Variants in CALD1 observed in about 807,000 individuals in gnomAD.
CALD1 encodes caldesmon.
A neutral mutation model predicts 99.9 loss-of-function variants in CALD1; 33 were observed. That is an observed-to-expected ratio of 0.33 (90% CI 0.25 to 0.44). The LOEUF (loss-of-function observed/expected upper bound fraction) is 0.44, where lower values mean the gene tolerates loss of function less well. CALD1 is among the 20% of genes least tolerant of loss of function. The pLI is 1.00. For missense variants in CALD1, 861 were observed against 962.1 expected, an observed-to-expected ratio of 0.89 and a Z score of 1.39; for synonymous variants, 310 against 325.0, an observed-to-expected ratio of 0.95 and a Z score of 0.50.
chr7:134,746,677 C>T (rs13229110), intron 1 of CALD1, among the ~76,000 whole-genome samples: 85,715 of 152,012 alleles, frequency 0.56, 25,498 homozygotes, highest in East Asian at 0.86. Flanking sequence ...TTTTAGAGAA[C>T]ACCTAAGTGG....
At chr7:134,960,289 G>A in intron 12 of CALD1, 178 bp downstream of exon 12, 1 of 753,524 alleles carries the variant, frequency 1.3e-6, no homozygotes, top group East Asian at 2.7e-5. Flanking sequence ...GGTTGCATGA[G>A]GTACTAAGCC....
At chr7:134,868,741 G>A (rs1287522651) in intron 3 of CALD1, among the ~76,000 whole-genome samples, 1 of 152,212 alleles carries the variant, frequency 6.6e-6, no homozygotes, top group Non-Finnish European at 1.5e-5. Flanking sequence ...AACTGGGCCA[G>A]AGTCAGCTGG....
At chr7:134,915,276 T>G (rs1473445083) in intron 3 of CALD1, among the ~76,000 whole-genome samples, 1 of 152,220 alleles carries the variant, frequency 6.6e-6, no homozygotes, top group East Asian at 1.9e-4. Context: ...TGCCTCCAAG[T>G]CTAGGTTCCA....
intron 1 of CALD1, among the ~76,000 whole-genome samples, chr7:134,815,651 G>A (rs1246025996): frequency 6.6e-6 from 1 of 152,028 alleles, no homozygotes; most frequent in Non-Finnish European, 1.5e-5. Flanking sequence ...GAGCCTATGA[G>A]GTCCTATACC....
At chr7:134,756,088 A>G (rs551710805) in intron 1 of CALD1, among the ~76,000 whole-genome samples, 6 of 152,036 alleles carry the variant, frequency 3.9e-5, no homozygotes, top group African/African-American at 1.4e-4. Context: ...ACAGGGTTTC[A>G]CTATGTTGGC....
At chr7:134,743,405 C>G (rs976970442), upstream of CALD1, among the ~76,000 whole-genome samples, 1 of 152,122 alleles carries the variant, frequency 6.6e-6, no homozygotes, top group African/African-American at 2.4e-5. Context: ...AAAATCGAGC[C>G]TCAGTTTTGT....
At chr7:134,857,480 G>T (rs1800367574) in intron 2 of CALD1, among the ~76,000 whole-genome samples, 1 of 151,944 alleles carries the variant, frequency 6.6e-6, no homozygotes, top group African/African-American at 2.4e-5. Flanking sequence ...TCTTAAGCAG[G>T]CCCCAACTGT....
chr7:134,713,004 A>T, the CALD1 span, among the ~76,000 whole-genome samples: 2 of 152,248 alleles, frequency 1.3e-5, no homozygotes, highest in Non-Finnish European at 2.9e-5. Flanking sequence ...CAAGGGACTC[A>T]GATATATATA....
chr7:134,719,391 G>A, the CALD1 span, among the ~76,000 whole-genome samples: 1 of 152,184 alleles, frequency 6.6e-6, no homozygotes, highest in African/African-American at 2.4e-5. Context: ...GCAGAACAGG[G>A]TTATGAGGCT....
chr7:134,953,656 G>GT (rs779536183), intron 9 of CALD1, among the ~76,000 whole-genome samples: 3,073 of 117,762 alleles, frequency 0.026, 157 homozygotes, highest in Non-Finnish European at 0.028. Flanking sequence ...TTCTACTGTG[G>GT]TTTTTTTTTT....
intron 7 of CALD1, among the ~76,000 whole-genome samples, chr7:134,944,296 A>G (rs1453035196): frequency 6.6e-6 from 1 of 152,180 alleles, no homozygotes; most frequent in Non-Finnish European, 1.5e-5. Context: ...TAAATTTTAC[A>G]TAATGACCCA....
chr7:134,915,184 T>C (rs1804115857), intron 3 of CALD1, among the ~76,000 whole-genome samples: 1 of 152,204 alleles, frequency 6.6e-6, no homozygotes, highest in Non-Finnish European at 1.5e-5. Flanking sequence ...CCATGCCTCC[T>C]CCTCGGAACC....
chr7:134,944,147 G>C (rs1259421943), intron 7 of CALD1, among the ~76,000 whole-genome samples: 2 of 152,160 alleles, frequency 1.3e-5, no homozygotes, highest in Non-Finnish European at 2.9e-5. Context: ...GAACCTAGAA[G>C]ACCCTGAAAG....
intron 3 of CALD1, among the ~76,000 whole-genome samples, chr7:134,903,417 A>G (rs771936118): frequency 1.3e-5 from 2 of 152,084 alleles, no homozygotes; most frequent in Non-Finnish European, 2.9e-5. Context: ...ACATTTCTGT[A>G]TCTTCCTCTC....
At chr7:134,813,457 G>C (rs567186439) in intron 1 of CALD1, among the ~76,000 whole-genome samples, 2 of 152,210 alleles carry the variant, frequency 1.3e-5, no homozygotes, top group African/African-American at 4.8e-5. Flanking sequence ...GTAGATAAGA[G>C]AGCATGAAAC....
At chr7:134,777,596 T>C (rs946785154), upstream of CALD1, among the ~76,000 whole-genome samples, 1 of 152,202 alleles carries the variant, frequency 6.6e-6, no homozygotes, top group Non-Finnish European at 1.5e-5. Context: ...GCATTATTTA[T>C]ACAAGCAGGG....
At chr7:134,848,096 G>GA (rs1799927134) in intron 2 of CALD1, among the ~76,000 whole-genome samples, 1 of 148,760 alleles carries the variant, frequency 6.7e-6, no homozygotes, top group Non-Finnish European at 1.5e-5. Flanking sequence ...AACAGTCTGG[G>GA]GAAAAAAAAA....
chr7:134,767,370 TC>T (rs1457327568), intron 1 of CALD1, among the ~76,000 whole-genome samples: 1 of 152,158 alleles, frequency 6.6e-6, no homozygotes, highest in Admixed American at 6.5e-5. Context: ...ATTTTTCCGA[TC>T]TTAAAAATAG....
chr7:134,800,302 A>G (rs1369677905), intron 1 of CALD1, among the ~76,000 whole-genome samples: 2 of 152,114 alleles, frequency 1.3e-5, no homozygotes, highest in African/African-American at 4.8e-5. Context: ...GTTTAAATGT[A>G]TTGCTCAAAT....
Sources: allele counts gnomAD v4.1 joint callset (sites outside exome capture counted in the v4.1 genomes callset), GRCh38; gene constraint gnomAD v4.1.1; transcripts MANE v1.5; gene names NCBI Gene and HGNC (gene_info 2026-07-23, HGNC 2026-07-21).